AMN1: variants seen among roughly 807,000 people sequenced by gnomAD.
The protein encoded by AMN1 is protein AMN1 homolog.
A neutral mutation model predicts 33.0 loss-of-function variants in AMN1; 20 were observed. That is an observed-to-expected ratio of 0.61 (90% CI 0.43 to 0.88). The LOEUF (loss-of-function observed/expected upper bound fraction) is 0.88. Ranked by LOEUF, AMN1 falls within the 40% of genes least tolerant of loss-of-function variation. The pLI, the probability that AMN1 is intolerant of heterozygous loss-of-function variation, is 0.00. For missense variants in AMN1, 246 were observed against 307.4 expected, an observed-to-expected ratio of 0.80 and a Z score of 1.49; for synonymous variants, 114 against 111.9, an observed-to-expected ratio of 1.02 and a Z score of -0.12.
At chr12:31,677,919 G>A (rs1345201981) in intron 6 of AMN1, among the ~76,000 whole-genome samples, 2 of 152,124 alleles carry the variant, frequency 1.3e-5, no homozygotes, top group African/African-American at 4.8e-5. Context: ...TGTCAGATAG[G>A]AGATCATAAG....
chr12:31,697,699 A>G, intron 4 of AMN1, 41 bp downstream of exon 4: 1 of 1,570,588 alleles, frequency 6.4e-7, no homozygotes, highest in African/African-American at 1.4e-5. Flanking sequence ...TACATTTGGT[A>G]AACACATAGT....
chr12:31,680,825 T>G (rs1937976999), intron 6 of AMN1, among the ~76,000 whole-genome samples: 1 of 152,142 alleles, frequency 6.6e-6, no homozygotes, highest in Non-Finnish European at 1.5e-5. Flanking sequence ...TCTTAAATAC[T>G]CATATGTGAG....
At chr12:31,721,368 A>G (rs1393229610) in intron 1 of AMN1, among the ~76,000 whole-genome samples, 1 of 152,192 alleles carries the variant, frequency 6.6e-6, no homozygotes, top group Non-Finnish European at 1.5e-5. Flanking sequence ...GGACAGCAAG[A>G]GGGAAATATC....
rs993752481 is a variant in AMN1, at chr12:31,709,530, A to G, written c.39-105T>C. On this transcript the variant is annotated intron_variant, in intron 1 of 6. Transcript: ENST00000281471. Reference sequence around the variant, plus strand: ...ACTTAGCCCTTTCATAAAAGTGTGTACATTTTGGCTGGGTGTGGTGGCTCA... The same window carrying G: ...ACTTAGCCCTTTCATAAAAGTGTGTGCATTTTGGCTGGGTGTGGTGGCTCA... The G allele has an allele frequency of 1.1e-5, 16 of 1,405,218 alleles. No homozygotes were observed. The African/African-American group carries it at 2.0e-4, about 18-fold the overall frequency. 87.0% of individuals were successfully genotyped at this position (1,405,218 alleles called of 1,614,324 possible).
At chr12:31,720,444 G>A (rs150584484) in intron 1 of AMN1, among the ~76,000 whole-genome samples, 3,182 of 152,120 alleles carry the variant, frequency 0.021, 127 homozygotes, top group African/African-American at 0.072. Flanking sequence ...GGAGGCTGAG[G>A]CAGGAAAATC....
chr12:31,699,688 C>T (rs1938905108), intron 3 of AMN1, among the ~76,000 whole-genome samples: 1 of 152,102 alleles, frequency 6.6e-6, no homozygotes, highest in East Asian at 1.9e-4. Context: ...GCCATTCTGA[C>T]AAATTATTGA....
chr12:31,721,501 C>T (rs1321138679), intron 1 of AMN1, among the ~76,000 whole-genome samples: 1 of 152,184 alleles, frequency 6.6e-6, no homozygotes, highest in African/African-American at 2.4e-5. Context: ...CTTGGGCACA[C>T]ATTAAGCTCC....
intron 6 of AMN1, chr12:31,672,583 G>A (rs780187697): frequency 4.8e-6 from 2 of 412,518 alleles, no homozygotes; most frequent in South Asian, 4.4e-5. Flanking sequence ...ACCTATCATG[G>A]TATTACTTGT....
At chr12:31,685,049 T>C (rs1938195892) in intron 6 of AMN1, among the ~76,000 whole-genome samples, 1 of 149,704 alleles carries the variant, frequency 6.7e-6, no homozygotes, top group African/African-American at 2.5e-5. Context: ...TTTTTTGAGA[T>C]AGAGTCCTGC....
At chr12:31,726,889 T>G (rs539815920) in intron 1 of AMN1, among the ~76,000 whole-genome samples, 1 of 152,348 alleles carries the variant, frequency 6.6e-6, no homozygotes, top group East Asian at 1.9e-4. Context: ...CTTAACATTG[T>G]TAGTCTGTTT....
chr12:31,707,040 T>C (rs1323771885), intron 2 of AMN1, among the ~76,000 whole-genome samples: 1 of 152,072 alleles, frequency 6.6e-6, no homozygotes, highest in Non-Finnish European at 1.5e-5. Context: ...GAATTGGAAA[T>C]ATTAAATATG....
In AMN1 at chr12:31,672,149, C is replaced by T; in HGVS notation, c.*155G>A. 2 of 603,652 alleles carry T rather than the reference C, an allele frequency of 3.3e-6. No homozygotes were observed. The highest frequency in any genetic ancestry group is 2.2e-5 in the South Asian group (1 of 46,428). The allele number at this position is 603,652 out of a possible 1,614,324, so 37.4% of individuals were successfully genotyped here. ...GAGTAAAGCACAAACCATGTATATACCAAGACTTAGCTAATTCTCTGAGAG... is the reference window on the plus strand; with the variant it reads ...GAGTAAAGCACAAACCATGTATATATCAAGACTTAGCTAATTCTCTGAGAG... On this transcript the variant is annotated 3_prime_UTR_variant, in exon 7 of 7. Coordinates refer to ENST00000281471, the MANE Select transcript of AMN1 (RefSeq NM_001113402.2).
At chr12:31,725,388 CTG>C (rs1159652531) in intron 1 of AMN1, among the ~76,000 whole-genome samples, 4 of 152,184 alleles carry the variant, frequency 2.6e-5, no homozygotes, top group Non-Finnish European at 5.9e-5. Context: ...TCTTTAAAAG[CTG>C]TAAAACAATT....
chr12:31,715,813 T>C (rs1187814942), intron 1 of AMN1: 1 of 153,394 alleles, frequency 6.5e-6, no homozygotes, highest in Non-Finnish European at 1.5e-5. Flanking sequence ...TGGCAGTGTA[T>C]TCTACAAAAT....
At chr12:31,678,717 C>G (rs1937855660) in intron 6 of AMN1, among the ~76,000 whole-genome samples, 2 of 152,048 alleles carry the variant, frequency 1.3e-5, no homozygotes, top group Admixed American at 6.6e-5. Context: ...AAACTTTTAA[C>G]AAAGTATTTT....
At chr12:31,675,043 C>G (rs1286489903) in intron 6 of AMN1, among the ~76,000 whole-genome samples, 1 of 149,538 alleles carries the variant, frequency 6.7e-6, no homozygotes, top group African/African-American at 2.5e-5. Flanking sequence ...AAAAGAAACA[C>G]CAGTTGACAA....
At chr12:31,704,486 G>T (rs1474114466) in intron 2 of AMN1, among the ~76,000 whole-genome samples, 1 of 142,774 alleles carries the variant, frequency 7.0e-6, no homozygotes, top group African/African-American at 2.5e-5. Context: ...CCAAGTTTTT[G>T]ACTTTGTTTC....
At chr12:31,711,041 C>T (rs755157757) in intron 1 of AMN1, among the ~76,000 whole-genome samples, 1 of 152,134 alleles carries the variant, frequency 6.6e-6, no homozygotes, top group Non-Finnish European at 1.5e-5. Flanking sequence ...TCCCAAGTAG[C>T]TGAGACTATA....
intron 3 of AMN1, among the ~76,000 whole-genome samples, chr12:31,700,796 T>C (rs780676674): frequency 5.7e-4 from 86 of 151,912 alleles, no homozygotes; most frequent in Admixed American, 3.1e-3. Flanking sequence ...TTCAAGCGAT[T>C]CTCCTACCTC....
Sources: gnomAD v4.1 joint callset for allele counts (sites outside exome capture counted in the v4.1 genomes callset) on GRCh38, gnomAD v4.1.1 for gene constraint, MANE v1.5 for transcripts, NCBI Gene and HGNC (gene_info 2026-07-23, HGNC 2026-07-21) for gene names.